The following STXBP5L variants were observed in gnomAD, a reference collection of about 807,000 sequenced individuals.
The protein encoded by STXBP5L is syntaxin binding protein 5L, also known as syntaxin-binding protein 5-like.
Under a neutral mutation model 144.5 loss-of-function variants are expected in STXBP5L, and 65 were observed. That is an observed-to-expected ratio of 0.45 (90% CI 0.37 to 0.55). The LOEUF is 0.55. Ranked by LOEUF, STXBP5L falls within the 20% of genes least tolerant of loss-of-function variation. The pLI, the probability that STXBP5L is intolerant of heterozygous loss-of-function variation, is 0.00. For missense variants in STXBP5L, 1,298 were observed against 1,405.5 expected (o/e 0.92, Z 1.22); for synonymous variants, 505 against 469.6 (o/e 1.08, Z -0.97).
chr3:120,979,534 C>T (rs567781294), intron 3 of STXBP5L, among the ~76,000 whole-genome samples: 22 of 152,222 alleles, frequency 1.4e-4, no homozygotes, highest in East Asian at 1.4e-3. Flanking sequence ...CTTTGGCTCA[C>T]GCACAGTGCA....
intron 20 of STXBP5L, 81 bp from the exon 21 acceptor site, chr3:121,378,635 A>T: frequency 2.2e-6 from 3 of 1,380,240 alleles, no homozygotes; most frequent in Non-Finnish European, 1.9e-6. Flanking sequence ...GCTCATCTTC[A>T]TTTGTTAATC....
At chr3:121,087,293 C>A (rs1393870970) in intron 5 of STXBP5L, among the ~76,000 whole-genome samples, 2 of 152,032 alleles carry the variant, frequency 1.3e-5, no homozygotes, top group African/African-American at 4.8e-5. Context: ...AAGTCTCCTA[C>A]AAGAATCATG....
chr3:120,977,653 A>C, intron 3 of STXBP5L, among the ~76,000 whole-genome samples: 1 of 152,080 alleles, frequency 6.6e-6, no homozygotes, highest in Non-Finnish European at 1.5e-5. Context: ...TGGTCTTTAC[A>C]ATTTGGCATG....
chr3:121,091,895 C>T (rs1460723778), intron 5 of STXBP5L, among the ~76,000 whole-genome samples: 7 of 151,948 alleles, frequency 4.6e-5, no homozygotes, highest in African/African-American at 1.7e-4. Flanking sequence ...CTTCTAGGAT[C>T]TTTATGGTTT....
Position 121,118,323 on chromosome 3 carries a change from C to A in STXBP5L, c.605+3264C>A, listed in dbSNP as rs2044316624. Reference sequence around the variant, plus strand: ...AAGATTGTTACATCTATGCTGAGATCCAAGGGGTGAGTTTCAGTTAGATGA... The same window carrying A: ...AAGATTGTTACATCTATGCTGAGATACAAGGGGTGAGTTTCAGTTAGATGA... On this transcript the variant is annotated intron_variant, in intron 6 of 26. Transcript: ENST00000471454. 3.3e-5 allele frequency among the ~76,000 whole-genome samples: 5 copies of A among 151,688 alleles called. 1 individual carries two copies. In the South Asian group the frequency reaches 1.0e-3, roughly 32 times the overall value.
intron 6 of STXBP5L, among the ~76,000 whole-genome samples, chr3:121,120,696 AC>A (rs1448886936): frequency 1.3e-5 from 2 of 151,262 alleles, no homozygotes; most frequent in African/African-American, 4.8e-5. Flanking sequence ...TTAATTTGTC[AC>A]TTTTCTCTGA....
At chr3:121,285,475 A>G (rs34568846) in intron 19 of STXBP5L, among the ~76,000 whole-genome samples, 2,976 of 152,160 alleles carry the variant, frequency 0.02, 47 homozygotes, top group Non-Finnish European at 0.029. Context: ...TGCACACTCA[A>G]TGAAATTATA....
chr3:121,294,656 A>G (rs2051576412), intron 19 of STXBP5L, among the ~76,000 whole-genome samples: 1 of 152,064 alleles, frequency 6.6e-6, no homozygotes. Context: ...AGAGAGAGAG[A>G]TAAGGGAGTA....
chr3:120,966,297 A>C (rs1939566264), intron 3 of STXBP5L, among the ~76,000 whole-genome samples: 1 of 152,210 alleles, frequency 6.6e-6, no homozygotes, highest in Non-Finnish European at 1.5e-5. Flanking sequence ...TGTCAAAGTC[A>C]TTCTCCGTCC....
chr3:120,963,478 T>A lies in STXBP5L; in HGVS notation c.287+8441T>A, dbSNP rs571339589. Among the ~76,000 whole-genome samples the A allele has an allele frequency of 1.3e-4, 20 of 152,320 alleles. No homozygotes were observed. The South Asian group carries it at 4.1e-3, about 32-fold the overall frequency. On this transcript the variant is annotated intron_variant, in intron 3 of 26. Transcript: ENST00000471454. Reference sequence around the variant, plus strand: ...CCTAGTTTATTGAGAGTTTTTAGCATGAAAGGGTGTTGAGTTTTGTCAAAG... The same window carrying A: ...CCTAGTTTATTGAGAGTTTTTAGCAAGAAAGGGTGTTGAGTTTTGTCAAAG...
At chr3:121,135,596 T>A (rs181113967) in intron 7 of STXBP5L, among the ~76,000 whole-genome samples, 2 of 152,156 alleles carry the variant, frequency 1.3e-5, no homozygotes, top group African/African-American at 4.8e-5. Flanking sequence ...TACTTTACAG[T>A]AGGGTTCACA....
intron 5 of STXBP5L, among the ~76,000 whole-genome samples, chr3:121,084,668 A>T (rs753086154): frequency 6.6e-6 from 1 of 152,194 alleles, no homozygotes; most frequent in Non-Finnish European, 1.5e-5. Flanking sequence ...CAATAAACAT[A>T]TTCATACATG....
At chr3:120,908,398 C>G (rs1265347304) in intron 1 of STXBP5L, 64 bp downstream of exon 1, 1 of 156,404 alleles carries the variant, frequency 6.4e-6, no homozygotes, top group Non-Finnish European at 1.4e-5. Context: ...CGCCGTCCAG[C>G]TGTGGCTCCC....
At chr3:121,316,382 C>A (rs2043789570) in intron 19 of STXBP5L, among the ~76,000 whole-genome samples, 1 of 152,248 alleles carries the variant, frequency 6.6e-6, no homozygotes, top group East Asian at 1.9e-4. Context: ...GACAAATGAG[C>A]TTAGCTCTTT....
At chr3:121,144,986 G>A (rs1289529423) in intron 7 of STXBP5L, among the ~76,000 whole-genome samples, 1 of 151,796 alleles carries the variant, frequency 6.6e-6, no homozygotes, top group Non-Finnish European at 1.5e-5. Context: ...GTGTAATGGT[G>A]GCTGATGGGC....
At position 121,351,923 on chromosome 3, in the gene STXBP5L, C is replaced by T. The variant is rs546046341; in HGVS notation, c.2177-26793C>T. Among the ~76,000 whole-genome samples, 109 of 152,228 alleles carry T rather than the reference C, an allele frequency of 7.2e-4. 1 individual carries two copies. Among genetic ancestry groups the T allele is most frequent in the African/African-American group, 2.5e-3 (103 of 41,494 alleles). On this transcript the variant is annotated intron_variant, in intron 20 of 26. Coordinates refer to ENST00000471454, the MANE Select transcript of STXBP5L (RefSeq NM_001308330.2). ...AGATGGCTAGCCAGTTTTCCCAGCA[C>T]CATTTATTAAATAGGGAATCCTTTC...
chr3:121,161,842 G>C (rs1161094405), intron 9 of STXBP5L, among the ~76,000 whole-genome samples: 1 of 152,014 alleles, frequency 6.6e-6, no homozygotes, highest in African/African-American at 2.4e-5. Context: ...TTGCTCAGAA[G>C]CAGGACAGGG....
chr3:121,326,542 T>A (rs2044155244), intron 20 of STXBP5L, among the ~76,000 whole-genome samples: 1 of 152,122 alleles, frequency 6.6e-6, no homozygotes, highest in Non-Finnish European at 1.5e-5. Context: ...TTTATTTTAA[T>A]TTAATGTTGT....
intron 5 of STXBP5L, among the ~76,000 whole-genome samples, chr3:121,050,109 G>C (rs532564040): frequency 1.3e-5 from 2 of 152,114 alleles, no homozygotes; most frequent in African/African-American, 4.8e-5. Flanking sequence ...CTGTTTCCCT[G>C]ATAAATCCCC....
Sources: gnomAD v4.1 joint callset for allele counts (sites outside exome capture counted in the v4.1 genomes callset) on GRCh38, gnomAD v4.1.1 for gene constraint, MANE v1.5 for transcripts, NCBI Gene and HGNC (gene_info 2026-07-23, HGNC 2026-07-21) for gene names.